DPP10: variants seen among roughly 807,000 people sequenced by gnomAD.
The protein encoded by DPP10 is inactive dipeptidyl peptidase 10.
A neutral mutation model predicts 120.9 loss-of-function variants in DPP10; 33 were observed. That is an observed-to-expected ratio of 0.27 (90% CI 0.21 to 0.37). DPP10 has a LOEUF of 0.37. DPP10 is among the 10% of genes least tolerant of loss of function. The probability of loss-of-function intolerance (pLI) is 1.00; values close to 1 mark genes in which losing one functional copy is unlikely to be tolerated. For missense variants in DPP10, 816 were observed against 942.8 expected, an observed-to-expected ratio of 0.87 and a Z score of 1.76; for synonymous variants, 337 against 326.1, an observed-to-expected ratio of 1.03 and a Z score of -0.36.
intron 1 of DPP10, among the ~76,000 whole-genome samples, chr2:115,283,877 A>C (rs569620161): frequency 1.3e-5 from 2 of 152,180 alleles, no homozygotes; most frequent in South Asian, 4.1e-4. Flanking sequence ...TATTTAGTAC[A>C]GTAACATTCA....
intron 1 of DPP10, among the ~76,000 whole-genome samples, chr2:115,282,268 G>A (rs2060191745): frequency 6.6e-6 from 1 of 151,894 alleles, no homozygotes; most frequent in Non-Finnish European, 1.5e-5. Flanking sequence ...CTTTCTACAT[G>A]TATGAATTTT....
intron 1 of DPP10, among the ~76,000 whole-genome samples, chr2:115,121,383 G>A (rs1004552183): frequency 2.0e-5 from 3 of 152,146 alleles, no homozygotes; most frequent in Admixed American, 1.3e-4. Context: ...GGCAGCTCTC[G>A]AACCCAAAAG....
At chr2:114,939,785 G>A (rs1173114624) in intron 1 of DPP10, among the ~76,000 whole-genome samples, 1 of 152,130 alleles carries the variant, frequency 6.6e-6, no homozygotes, top group Non-Finnish European at 1.5e-5. Flanking sequence ...CACCCTGTCT[G>A]CTTAGAGGGT....
intron 5 of DPP10, among the ~76,000 whole-genome samples, chr2:115,681,336 ATATT>A (rs1407206049): frequency 3.3e-5 from 5 of 151,842 alleles, no homozygotes; most frequent in Non-Finnish European, 7.4e-5. Context: ...CTTGGAATTT[ATATT>A]TATTACCATT....
chr2:115,040,213 A>G lies in DPP10; in HGVS notation c.61-269026A>G, dbSNP rs182818004. 7.3e-3 allele frequency among the ~76,000 whole-genome samples: 1,114 copies of G among 151,882 alleles called. 5 individuals carry two copies. The highest frequency in any genetic ancestry group is 0.012 in the Non-Finnish European group (809 of 67,958). Reference sequence around the variant, plus strand: ...AATTTGACATGAGATTTGGGCAGGGACACAGGTCCAAACCATATCACCAGG... The same window carrying G: ...AATTTGACATGAGATTTGGGCAGGGGCACAGGTCCAAACCATATCACCAGG... On this transcript the variant is annotated intron_variant, in intron 1 of 25. Transcript: ENST00000410059.
intron 1 of DPP10, among the ~76,000 whole-genome samples, chr2:114,827,372 A>G (rs180808974): frequency 1.0e-3 from 157 of 152,032 alleles, no homozygotes; most frequent in Non-Finnish European, 1.7e-3. Flanking sequence ...TAGGAGAAAG[A>G]CAACTGTAGA....
intron 10 of DPP10, among the ~76,000 whole-genome samples, chr2:115,752,377 T>C (rs934668265): frequency 1.3e-5 from 2 of 152,196 alleles, no homozygotes; most frequent in East Asian, 1.9e-4. Flanking sequence ...TCCAAATGTA[T>C]GTGTTACAAA....
chr2:115,250,667 A>C (rs777528036), intron 1 of DPP10, among the ~76,000 whole-genome samples: 4 of 152,176 alleles, frequency 2.6e-5, no homozygotes, highest in Non-Finnish European at 4.4e-5. Context: ...ATAACAACTC[A>C]TGTTTCAACA....
At chr2:114,513,613 G>A (rs1248531119) in intron 1 of DPP10, among the ~76,000 whole-genome samples, 1 of 144,030 alleles carries the variant, frequency 6.9e-6, no homozygotes, top group Non-Finnish European at 1.5e-5. Flanking sequence ...AGAAAGGAAG[G>A]AAGGGAGGAA....
At chr2:115,393,850 A>G (rs1233502724) in intron 3 of DPP10, among the ~76,000 whole-genome samples, 1 of 152,214 alleles carries the variant, frequency 6.6e-6, no homozygotes, top group Non-Finnish European at 1.5e-5. Flanking sequence ...CAAGTAAGGG[A>G]TGGTGATACA....
At chr2:115,421,679 T>G (rs1711999) in intron 3 of DPP10, among the ~76,000 whole-genome samples, 4,689 of 151,984 alleles carry the variant, frequency 0.031, 238 homozygotes, top group African/African-American at 0.11. Flanking sequence ...GAGACCATCC[T>G]GGCTAACATG....
chr2:115,568,661 ACT>A (rs2081165215), intron 5 of DPP10, among the ~76,000 whole-genome samples: 1 of 149,304 alleles, frequency 6.7e-6, no homozygotes, highest in African/African-American at 2.5e-5. Flanking sequence ...AAATCCCATC[ACT>A]CTCAATTTTT....
At chr2:114,789,649 C>T (rs954627075) in intron 1 of DPP10, among the ~76,000 whole-genome samples, 1 of 152,058 alleles carries the variant, frequency 6.6e-6, no homozygotes. Flanking sequence ...GCCTGAAGTA[C>T]GTGAGGTATG....
intron 1 of DPP10, among the ~76,000 whole-genome samples, chr2:114,614,372 C>T (rs1047534041): frequency 6.6e-6 from 1 of 152,138 alleles, no homozygotes; most frequent in Non-Finnish European, 1.5e-5. Context: ...TCTCTCCCCA[C>T]CTCTAATCCA....
intron 1 of DPP10, among the ~76,000 whole-genome samples, chr2:114,876,920 T>C (rs532048230): frequency 3.3e-5 from 5 of 151,942 alleles, no homozygotes; most frequent in Non-Finnish European, 5.9e-5. Flanking sequence ...GTCACGACTT[T>C]TCCTTTCCTC....
intron 1 of DPP10, among the ~76,000 whole-genome samples, chr2:114,688,505 A>G (rs1174135043): frequency 6.6e-6 from 1 of 151,934 alleles, no homozygotes; most frequent in African/African-American, 2.4e-5. Flanking sequence ...GTTTGGCTAG[A>G]AAAGCTTCTT....
chr2:115,132,811 T>C (rs192540079), intron 1 of DPP10, among the ~76,000 whole-genome samples: 262 of 152,186 alleles, frequency 1.7e-3, no homozygotes, highest in Middle Eastern at 6.8e-3. Context: ...ACCCCACTAA[T>C]TGCCCATCCT....
chr2:114,976,745 T>C (rs2104827201), intron 1 of DPP10, among the ~76,000 whole-genome samples: 1 of 152,354 alleles, frequency 6.6e-6, no homozygotes, highest in South Asian at 2.1e-4. Flanking sequence ...TGCTGGTGGT[T>C]CAGTGATAAA....
intron 1 of DPP10, among the ~76,000 whole-genome samples, chr2:115,252,388 C>T (rs2058794231): frequency 6.6e-6 from 1 of 152,120 alleles, no homozygotes; most frequent in Non-Finnish European, 1.5e-5. Flanking sequence ...AATAATTCCA[C>T]CTGTGCAAAC....
Sources: allele counts gnomAD v4.1 joint callset (sites outside exome capture counted in the v4.1 genomes callset), GRCh38; gene constraint gnomAD v4.1.1; transcripts MANE v1.5; gene names NCBI Gene and HGNC (gene_info 2026-07-23, HGNC 2026-07-21).